Variants in CDH17 observed in about 807,000 individuals in gnomAD.
The protein encoded by CDH17 is cadherin-17.
A neutral mutation model predicts 86.3 loss-of-function variants in CDH17; 67 were observed. That is an observed-to-expected ratio of 0.78 (90% CI 0.64 to 0.95). The LOEUF (loss-of-function observed/expected upper bound fraction) is 0.95. Among genes scored for constraint, CDH17 ranks in the 40% least tolerant of loss-of-function variants. CDH17 has a pLI of 0.00. For synonymous variants in CDH17, 367 were observed against 366.4 expected, an observed-to-expected ratio of 1.00 and a Z score of -0.02; for missense variants, 993 against 1,017.6, an observed-to-expected ratio of 0.98 and a Z score of 0.33.
intron 9 of CDH17, among the ~76,000 whole-genome samples, chr8:94,168,232 C>A (rs1813203283): frequency 7.0e-6 from 1 of 142,790 alleles, no homozygotes; most frequent in South Asian, 2.2e-4. Flanking sequence ...CAGCTCACTG[C>A]AATCTCTACA....
At chr8:94,146,404 A>G (rs1246048898) in intron 14 of CDH17, among the ~76,000 whole-genome samples, 4 of 152,260 alleles carry the variant, frequency 2.6e-5, no homozygotes, top group African/African-American at 9.6e-5. Flanking sequence ...AATAATTGTG[A>G]AAACTGAGCT....
rs765546388 is a variant in CDH17 at position 94,194,665 on chromosome 8, A to G, written c.21T>C (p.Leu7=). MILQAH[L]HSLCLLMLYL... ...AAAGCATAAGAAGACACAGGGAGTGAAGATGGGCCTGAAGTATCATAGTTT... is the reference window on the plus strand; with the variant it reads ...AAAGCATAAGAAGACACAGGGAGTGGAGATGGGCCTGAAGTATCATAGTTT... Residue 7 remains leucine (L), a synonymous_variant, in exon 2 of 18, where the codon CTT becomes CTC. Coordinates refer to ENST00000027335, the MANE Select transcript of CDH17 (RefSeq NM_004063.4). 1.2e-6 allele frequency: 2 copies of G among 1,607,406 alleles called. No individual in the cohort carries two copies. The highest frequency in any genetic ancestry group is 4.5e-5 in the East Asian group (2 of 44,796).
At chr8:94,160,302 T>C (rs546132791) in intron 11 of CDH17, 140 bp from the exon 12 acceptor site, 11 of 618,796 alleles carry the variant, frequency 1.8e-5, no homozygotes, top group Admixed American at 3.2e-5. Context: ...TTCCTATTGA[T>C]GAATATATTG....
At chr8:94,215,343 A>T (rs1814177278) in intron 1 of CDH17, among the ~76,000 whole-genome samples, 1 of 152,240 alleles carries the variant, frequency 6.6e-6, no homozygotes, top group African/African-American at 2.4e-5. Flanking sequence ...CTGATACTAC[A>T]AGACTAAACC....
chr8:94,130,596 A>C, intron 17 of CDH17, 30 bp downstream of exon 17: 1 of 1,451,232 alleles, frequency 6.9e-7, no homozygotes, highest in Non-Finnish European at 9.6e-7. Context: ...GCCCAGGATA[A>C]GACTCTTTGA....
intron 9 of CDH17, among the ~76,000 whole-genome samples, chr8:94,168,109 T>TGGGGA (rs1813193456): frequency 7.8e-5 from 1 of 12,824 alleles, no homozygotes; most frequent in Admixed American, 6.7e-4. Flanking sequence ...TATATATATA[T>TGGGGA]ATATATATAT....
At chr8:94,147,907 A>G (rs1286034420) in intron 14 of CDH17, among the ~76,000 whole-genome samples, 2 of 152,200 alleles carry the variant, frequency 1.3e-5, no homozygotes, top group Non-Finnish European at 2.9e-5. Context: ...ACCCAAACCT[A>G]TGGAATCAGA....
chr8:94,187,336 G>A (rs189838060), intron 3 of CDH17, among the ~76,000 whole-genome samples: 2 of 152,348 alleles, frequency 1.3e-5, no homozygotes, highest in Non-Finnish European at 2.9e-5. Flanking sequence ...TTCAGTGCAT[G>A]TGTCTGTTTC....
At chr8:94,169,106 T>A (rs956876114) in intron 9 of CDH17, among the ~76,000 whole-genome samples, 1 of 152,108 alleles carries the variant, frequency 6.6e-6, no homozygotes, top group African/African-American at 2.4e-5. Context: ...ATTGGCCCAA[T>A]GTAAAAGAGG....
rs151133817 is a variant in CDH17 at position 94,148,721 on chromosome 8, GTTTTTT to G, written c.1927+17_1927+22del. 5 of 1,122,990 alleles carry G rather than the reference GTTTTTT, an allele frequency of 4.5e-6. No individual in the cohort carries two copies. The highest frequency in any genetic ancestry group is 2.1e-5 in the African/African-American group (1 of 48,000). 69.6% of individuals were successfully genotyped at this position (1,122,990 alleles called of 1,614,324 possible). On this transcript the variant is annotated intron_variant, in intron 14 of 17. Transcript: ENST00000027335. ...TGATAATCTGTGTTCCTTTTTTTTT[GTTTTTT>G]TTTTTTTTTTGCTTACCTACTTCTG...
intron 1 of CDH17, among the ~76,000 whole-genome samples, chr8:94,201,655 C>T (rs1215682673): frequency 6.6e-6 from 1 of 152,162 alleles, no homozygotes; most frequent in Admixed American, 6.5e-5. Context: ...TTAAGCCTCC[C>T]GTTCTGTGGT....
intron 11 of CDH17, among the ~76,000 whole-genome samples, chr8:94,161,159 G>A (rs1188580535): frequency 2.6e-5 from 4 of 152,138 alleles, no homozygotes; most frequent in Non-Finnish European, 5.9e-5. Context: ...ACACTGTCTC[G>A]ATAAAAGGCG....
At chr8:94,216,559 G>GTT (rs11398344) in intron 1 of CDH17, among the ~76,000 whole-genome samples, 24 of 51,010 alleles carry the variant, frequency 4.7e-4, no homozygotes, top group South Asian at 1.0e-3. Context: ...GCTCCAGAGG[G>GTT]TTTGTTTTTT....
At chr8:94,158,040 T>C (rs753048795) in intron 12 of CDH17, among the ~76,000 whole-genome samples, 3 of 152,158 alleles carry the variant, frequency 2.0e-5, no homozygotes, top group Non-Finnish European at 2.9e-5. Context: ...CTCTGGATGG[T>C]TGAACAAATC....
chr8:94,141,266 T>C (rs1158710970), intron 15 of CDH17, among the ~76,000 whole-genome samples: 2 of 104,826 alleles, frequency 1.9e-5, no homozygotes, highest in Non-Finnish European at 5.2e-5. Context: ...CCATTTCCAA[T>C]TTAGGAAAAA....
At chr8:94,193,280 T>G (rs1813721389) in intron 2 of CDH17, among the ~76,000 whole-genome samples, 1 of 152,240 alleles carries the variant, frequency 6.6e-6, no homozygotes, top group Admixed American at 6.5e-5. Flanking sequence ...AATTTAGCAG[T>G]GTGCTCAGTG....
At chr8:94,175,319 C>T (rs1360146344) in intron 5 of CDH17, among the ~76,000 whole-genome samples, 15 of 152,018 alleles carry the variant, frequency 9.9e-5, no homozygotes, top group Non-Finnish European at 1.8e-4. Context: ...GGAGCCTACA[C>T]ATTTAGCAGA....
intron 1 of CDH17, among the ~76,000 whole-genome samples, chr8:94,204,832 C>A (rs1269258454): frequency 6.6e-6 from 1 of 152,196 alleles, no homozygotes; most frequent in Non-Finnish European, 1.5e-5. Flanking sequence ...TCCTCCAAGT[C>A]TCCCAAAACA....
In CDH17 at chr8:94,152,120, G is replaced by T. The variant is rs773417768; in HGVS notation, c.1552-8C>A. The T allele has an allele frequency of 1.2e-6, 2 of 1,612,036 alleles. No individual in the cohort carries two copies. The highest frequency in any genetic ancestry group is 1.7e-6 in the Non-Finnish European group (2 of 1,178,724). ...TGTTTCAAAATCAAGAGGCTGTGTAGGAGAAAGAGAGAAAATTAATTTTGG... is the reference window on the plus strand; with the variant it reads ...TGTTTCAAAATCAAGAGGCTGTGTATGAGAAAGAGAGAAAATTAATTTTGG... On this transcript the variant is annotated splice_polypyrimidine_tract_variant and splice_region_variant and intron_variant, in intron 12 of 17. Transcript: ENST00000027335.
Sources: allele counts gnomAD v4.1 joint callset (sites outside exome capture counted in the v4.1 genomes callset), GRCh38; gene constraint gnomAD v4.1.1; transcripts MANE v1.5; gene names NCBI Gene and HGNC (gene_info 2026-07-23, HGNC 2026-07-21).